DNAH6: variants seen among roughly 807,000 people sequenced by gnomAD.
DNAH6 encodes axonemal beta dynein heavy chain 6.
In DNAH6, 340 loss-of-function variants were observed where a neutral mutation model predicts 491.4. That is an observed-to-expected ratio of 0.69 (90% CI 0.63 to 0.76). The LOEUF (loss-of-function observed/expected upper bound fraction) is 0.76, where lower values mean the gene tolerates loss of function less well. Ranked by LOEUF, DNAH6 falls within the 30% of genes least tolerant of loss-of-function variation. The pLI, the probability that DNAH6 is intolerant of heterozygous loss-of-function variation, is 0.00. For missense variants in DNAH6, 4,443 were observed against 4,972.2 expected (o/e 0.89, Z 3.20); for synonymous variants, 1,603 against 1,686.1 (o/e 0.95, Z 1.21).
In DNAH6 at chr2:84,681,277, G is replaced by T. The variant is rs994094278; in HGVS notation, c.6745-80G>T. On this transcript the variant is annotated intron_variant, in intron 41 of 76. Coordinates refer to ENST00000389394, the MANE Select transcript of DNAH6 (RefSeq NM_001370.2). ...ATTTGGCTTTCTATTATTAGAAAAC[G>T]TTATCATCCGGAGTATTTAAAAGAT... 4 of 1,232,876 alleles carry T rather than the reference G, an allele frequency of 3.2e-6. No homozygotes were observed. The East Asian group carries it at 1.1e-4, about 34-fold the overall frequency. 76.4% of individuals were successfully genotyped at this position (1,232,876 alleles called of 1,614,324 possible).
intron 3 of DNAH6, 28 bp downstream of exon 3, chr2:84,525,766 CT>C (rs1193435100): frequency 6.7e-7 from 1 of 1,483,378 alleles, no homozygotes; most frequent in East Asian, 2.5e-5. Context: ...TTAATTGATT[CT>C]TTTAACTTAA....
rs1310447739 is a variant in DNAH6, at chr2:84,762,765, C to T, written c.10523C>T (p.Ala3508Val). 6.5e-7 allele frequency: 1 copy of T among 1,543,160 alleles called. No individual in the cohort carries two copies. The highest frequency in any genetic ancestry group is 8.7e-7 in the Non-Finnish European group (1 of 1,143,892). ...CTTTTCAACTTTCAGGTGGTTTTTG[C>T]TCTTACAGACTTTGTGATAGAAAAT... ...KCCKEEKVVF[A>V]LTDFVIENLG... is the part of the protein sequence containing the mutation. The change falls in exon 64 of 77, where the codon GCT becomes GTT. Residue 3508 changes from alanine (A) to valine (V), a missense_variant. Ala to Val is a moderately conservative substitution (Grantham distance 64). This residue lies in a region of DNAH6 where 1,463 missense variants were observed against 1,656.6 expected (regional missense o/e 0.88). Transcript: ENST00000389394.
At chr2:84,595,890 A>G (rs1333858504) in intron 18 of DNAH6, 101 bp downstream of exon 18, 3 of 1,222,386 alleles carry the variant, frequency 2.5e-6, no homozygotes, top group African/African-American at 3.1e-5. Context: ...TAAGTTAGTC[A>G]GCTTTGCAGA....
intron 36 of DNAH6, among the ~76,000 whole-genome samples, chr2:84,658,773 A>G: frequency 6.6e-6 from 1 of 152,200 alleles, no homozygotes; most frequent in Non-Finnish European, 1.5e-5. Flanking sequence ...TATAATAATC[A>G]GTTGAAAGAC....
rs144136753 is a variant in DNAH6, at chr2:84,699,860, A to C, written c.7818+126A>C. On this transcript the variant is annotated intron_variant, in intron 48 of 76. Transcript: ENST00000389394. Reference sequence around the variant, plus strand: ...TTTAAAGCCTACTAGGAATTTATTCATATAGAGAATGACCGTGACAATCAT... The same window carrying C: ...TTTAAAGCCTACTAGGAATTTATTCCTATAGAGAATGACCGTGACAATCAT... 8.3e-4 allele frequency: 718 copies of C among 867,532 alleles called. 1 individual carries two copies. The African/African-American group carries it at 0.011, about 13-fold the overall frequency. 53.7% of individuals were successfully genotyped at this position (867,532 alleles called of 1,614,324 possible).
At chr2:84,650,436 C>T (rs1179595680) in intron 33 of DNAH6, among the ~76,000 whole-genome samples, 1 of 152,050 alleles carries the variant, frequency 6.6e-6, no homozygotes, top group Non-Finnish European at 1.5e-5. Context: ...TGCTCTTGAA[C>T]CCATCTATTG....
intron 64 of DNAH6, among the ~76,000 whole-genome samples, chr2:84,772,427 A>G (rs1308998863): frequency 2.0e-5 from 3 of 152,174 alleles, no homozygotes; most frequent in Non-Finnish European, 4.4e-5. Flanking sequence ...ACACACACAC[A>G]CACACAATTC....
intron 11 of DNAH6, among the ~76,000 whole-genome samples, chr2:84,565,041 A>C (rs1009396532): frequency 6.6e-6 from 1 of 152,138 alleles, no homozygotes; most frequent in South Asian, 2.1e-4. Context: ...AATAAAGTCT[A>C]CTTGTTTGTG....
At chr2:84,476,089 A>G in the DNAH6 span, among the ~76,000 whole-genome samples, 1 of 152,236 alleles carries the variant, frequency 6.6e-6, no homozygotes, top group African/African-American at 2.4e-5. Context: ...AGGTGGAGTG[A>G]AAACAGATTT....
intron 65 of DNAH6, among the ~76,000 whole-genome samples, chr2:84,783,944 G>A (rs1676938663): frequency 6.6e-6 from 1 of 152,180 alleles, no homozygotes; most frequent in Non-Finnish European, 1.5e-5. Context: ...TCTTTCAGAA[G>A]GTGATATTTG....
the DNAH6 span, among the ~76,000 whole-genome samples, chr2:84,489,961 T>A: frequency 6.6e-6 from 1 of 152,234 alleles, no homozygotes; most frequent in South Asian, 2.1e-4. Context: ...AGACTCACTA[T>A]CAACAGATGC....
chr2:84,541,053 T>A (rs1257326046), intron 4 of DNAH6, among the ~76,000 whole-genome samples: 2 of 152,206 alleles, frequency 1.3e-5, no homozygotes, highest in Non-Finnish European at 2.9e-5. Flanking sequence ...TTTTTCTGAT[T>A]ATCTCCTCAA....
chr2:84,731,019 T>C (rs1182306648), intron 61 of DNAH6, among the ~76,000 whole-genome samples: 2 of 152,198 alleles, frequency 1.3e-5, no homozygotes, highest in African/African-American at 2.4e-5. Context: ...TTGAAAATTA[T>C]ATAAGGATCA....
chr2:84,472,647 A>G, the DNAH6 span, among the ~76,000 whole-genome samples: 2 of 152,176 alleles, frequency 1.3e-5, no homozygotes, highest in African/African-American at 2.4e-5. Flanking sequence ...GCTTGTTTCC[A>G]TGATAGATCA....
At chr2:84,601,095 A>G (rs1361222921) in intron 18 of DNAH6, among the ~76,000 whole-genome samples, 1 of 139,600 alleles carries the variant, frequency 7.2e-6, no homozygotes, top group Non-Finnish European at 1.5e-5. Flanking sequence ...ATGGCTGATT[A>G]TATGGATGAG....
intron 33 of DNAH6, among the ~76,000 whole-genome samples, chr2:84,646,470 C>A (rs761504491): frequency 2.6e-5 from 4 of 152,158 alleles, no homozygotes; most frequent in South Asian, 2.1e-4. Context: ...TGTCTAAAGC[C>A]AAGATAGGCT....
chr2:84,699,306 G>C (rs1357669694), intron 47 of DNAH6, among the ~76,000 whole-genome samples: 2 of 152,160 alleles, frequency 1.3e-5, no homozygotes, highest in Non-Finnish European at 2.9e-5. Context: ...GCAAAACCTT[G>C]TATGAATGGC....
intron 65 of DNAH6, among the ~76,000 whole-genome samples, chr2:84,784,053 G>T (rs555875675): frequency 6.6e-6 from 1 of 152,182 alleles, no homozygotes; most frequent in Admixed American, 6.5e-5. Context: ...AGCATAATAC[G>T]TACTTAAAAA....
At chr2:84,707,445 A>T in intron 53 of DNAH6, 75 bp from the exon 54 acceptor site, 1 of 1,327,898 alleles carries the variant, frequency 7.5e-7, no homozygotes, top group Admixed American at 2.8e-5. Context: ...CTATAAAAAG[A>T]AACAGGTAAA....
Sources: allele counts gnomAD v4.1 joint callset (sites outside exome capture counted in the v4.1 genomes callset), GRCh38; gene constraint gnomAD v4.1.1; regional missense constraint gnomAD v4.1.1; transcripts MANE v1.5; gene names NCBI Gene and HGNC (gene_info 2026-07-23, HGNC 2026-07-21).